The following RAP1GAP2 variants were observed in gnomAD, a reference collection of about 807,000 sequenced individuals.
RAP1GAP2 encodes rap1 GTPase-activating protein 2.
A neutral mutation model predicts 95.0 loss-of-function variants in RAP1GAP2; 27 were observed. That is an observed-to-expected ratio of 0.28 (90% CI 0.21 to 0.39). The LOEUF (loss-of-function observed/expected upper bound fraction) is 0.39, where lower values mean the gene tolerates loss of function less well. Among genes scored for constraint, RAP1GAP2 ranks in the 10% least tolerant of loss-of-function variants. The pLI is 1.00. For missense variants in RAP1GAP2, 771 were observed against 970.0 expected, an observed-to-expected ratio of 0.79 and a Z score of 2.72; for synonymous variants, 373 against 380.9, an observed-to-expected ratio of 0.98 and a Z score of 0.24.
Position 3,032,409 on chromosome 17 carries a change from A to G in RAP1GAP2, c.2185-2A>G. On this transcript the variant is annotated splice_acceptor_variant, in intron 23 of 24. Coordinates refer to ENST00000254695, the MANE Select transcript of RAP1GAP2 (RefSeq NM_015085.5). LOFTEE classifies it high-confidence loss of function. ...CTCCTGTATGGATTTTTGTTGAAAC[A>G]GGGTCACTAATGTGAAAGTGGAGTC... 1.9e-6 allele frequency: 3 copies of G among 1,613,934 alleles called. No homozygotes were observed. Among genetic ancestry groups the G allele is most frequent in the Non-Finnish European group, 2.5e-6 (3 of 1,179,806 alleles).
At position 3,004,553 on chromosome 17, in the gene RAP1GAP2, G is replaced by C. The variant is rs923152730; in HGVS notation, c.1201-816G>C. 6.6e-5 allele frequency among the ~76,000 whole-genome samples: 10 copies of C among 152,280 alleles called. No individual in the cohort carries two copies. Among genetic ancestry groups the C allele is most frequent in the Non-Finnish European group, 1.5e-4 (10 of 68,048 alleles). On this transcript the variant is annotated intron_variant, in intron 14 of 24. Coordinates refer to ENST00000254695, the MANE Select transcript of RAP1GAP2 (RefSeq NM_015085.5). This position sits in a 1 kb window ranked among gnomAD's most constrained non-coding sequence, Gnocchi z 4.1. ...AAGTCAGGGCACCTCTGTGCAGAGG[G>C]AAGGCGGGGTGTGGGGCCCGTCCCA...
chr17:3,015,822 GAAA>G (rs11309614), intron 17 of RAP1GAP2, among the ~76,000 whole-genome samples: 4 of 149,156 alleles, frequency 2.7e-5, no homozygotes, highest in African/African-American at 9.9e-5. Flanking sequence ...CTCTGTCTCA[GAAA>G]AAAAAAAAGA....
At chr17:3,000,286 A>G (rs1157022661) in intron 14 of RAP1GAP2, among the ~76,000 whole-genome samples, 1 of 152,240 alleles carries the variant, frequency 6.6e-6, no homozygotes, top group Non-Finnish European at 1.5e-5. Context: ...GCTTTGAGTG[A>G]AATGGGCATT....
rs753776940 is a variant in RAP1GAP2, at chr17:2,905,388, G to A, written c.165+20G>A. 3 of 1,610,668 alleles carry A rather than the reference G, an allele frequency of 1.9e-6. No individual in the cohort carries two copies. In the South Asian group the frequency reaches 3.3e-5, roughly 18 times the overall value. On this transcript the variant is annotated intron_variant, in intron 3 of 24. Coordinates refer to ENST00000254695, the MANE Select transcript of RAP1GAP2 (RefSeq NM_015085.5). ...ATGAAGGTAAGAGGCTTCGATTCAGGAAGGCAGGGAGGGGAGAGTGTGGGG... is the reference window on the plus strand; with the variant it reads ...ATGAAGGTAAGAGGCTTCGATTCAGAAAGGCAGGGAGGGGAGAGTGTGGGG...
At position 2,797,807 on chromosome 17, in the gene RAP1GAP2, G is replaced by C. The variant is rs2069137440; in HGVS notation, c.44+1236G>C. On this transcript the variant is annotated intron_variant, in intron 1 of 24. Coordinates refer to ENST00000254695, the MANE Select transcript of RAP1GAP2 (RefSeq NM_015085.5). This position sits in a 1 kb window ranked among gnomAD's most constrained non-coding sequence, Gnocchi z 5.6. ...GGTAGGTGCCAGTGTCCGGGAGGCAGCAGAGGACTTGGCTTCTGGTTGGGA... is the reference window on the plus strand; with the variant it reads ...GGTAGGTGCCAGTGTCCGGGAGGCACCAGAGGACTTGGCTTCTGGTTGGGA... The C allele has an allele frequency of 2.0e-6, 2 of 984,766 alleles. No individual in the cohort carries two copies. Among genetic ancestry groups the C allele is most frequent in the African/African-American group, 3.5e-5 (2 of 57,346 alleles). 61.0% of individuals were successfully genotyped at this position (984,766 alleles called of 1,614,324 possible). A position where few individuals can be genotyped will look rare whatever the true frequency, so the allele number is the denominator to read the frequency against.
intron 2 of RAP1GAP2, among the ~76,000 whole-genome samples, chr17:2,801,937 G>A (rs1415622149): frequency 1.3e-5 from 2 of 152,122 alleles, no homozygotes; most frequent in Non-Finnish European, 2.9e-5. Flanking sequence ...TAACCAAAGT[G>A]TAGCCTGCGT....
intron 2 of RAP1GAP2, among the ~76,000 whole-genome samples, chr17:2,771,973 C>T (rs1472283899): frequency 1.3e-5 from 2 of 152,176 alleles, no homozygotes; most frequent in East Asian, 1.9e-4. Flanking sequence ...TCAAGTGATC[C>T]TCCTGACTCA....
At chr17:2,824,378 C>T (rs1455703462) in intron 2 of RAP1GAP2, among the ~76,000 whole-genome samples, 14 of 148,740 alleles carry the variant, frequency 9.4e-5, no homozygotes, top group South Asian at 4.2e-4. Flanking sequence ...ACCCGGGAGG[C>T]GGAGGTTTCA....
chr17:2,980,214 A>G, intron 8 of RAP1GAP2, 73 bp from the exon 9 acceptor site: 1 of 1,460,936 alleles, frequency 6.8e-7, no homozygotes, highest in South Asian at 1.2e-5. Context: ...AAATGCTGAG[A>G]TGACAGGCAC....
At chr17:2,768,734 A>G (rs1479296723) in intron 1 of RAP1GAP2, among the ~76,000 whole-genome samples, 1 of 150,044 alleles carries the variant, frequency 6.7e-6, no homozygotes, top group Non-Finnish European at 1.5e-5. Context: ...GAATAGATTC[A>G]TGGTTCTTCC....
At chr17:2,898,834 G>A (rs912908386) in intron 2 of RAP1GAP2, among the ~76,000 whole-genome samples, 2 of 151,516 alleles carry the variant, frequency 1.3e-5, no homozygotes, top group African/African-American at 4.9e-5. Flanking sequence ...CGCCCCATGA[G>A]GCGAGGAGTA....
At position 2,998,142 on chromosome 17, in the gene RAP1GAP2, A is replaced by G. The variant is rs901734623; in HGVS notation, c.1045-79A>G. 1.0e-5 allele frequency: 15 copies of G among 1,479,330 alleles called. 1 individual carries two copies. The Admixed American group carries it at 2.6e-4, about 26-fold the overall frequency. 91.6% of individuals were successfully genotyped at this position (1,479,330 alleles called of 1,614,324 possible). On this transcript the variant is annotated intron_variant, in intron 13 of 24. Transcript: ENST00000254695. ...ATTCAGTTTTCCTGTGTGCAAAGGA[A>G]AGTGAACCCACTCTTTCCCCAAAAC...
intron 8 of RAP1GAP2, among the ~76,000 whole-genome samples, chr17:2,967,470 T>C (rs2044666633): frequency 6.6e-6 from 1 of 152,140 alleles, no homozygotes; most frequent in East Asian, 1.9e-4. Context: ...CTGTCCTCTT[T>C]AGGAGTGAGA....
intron 3 of RAP1GAP2, among the ~76,000 whole-genome samples, chr17:2,931,834 C>T (rs2043166532): frequency 6.6e-6 from 1 of 152,164 alleles, no homozygotes; most frequent in South Asian, 2.1e-4. Context: ...CTTCCTCTTC[C>T]CTCTGGTGAG....
chr17:2,780,264 T>C (rs1314581748), intron 1 of RAP1GAP2, among the ~76,000 whole-genome samples: 1 of 152,244 alleles, frequency 6.6e-6, no homozygotes, highest in Non-Finnish European at 1.5e-5. Context: ...TTGGTCAGGC[T>C]GGTCTCGAAC....
At chr17:2,893,715 C>T (rs370879341) in intron 2 of RAP1GAP2, among the ~76,000 whole-genome samples, 1 of 152,232 alleles carries the variant, frequency 6.6e-6, no homozygotes, top group Non-Finnish European at 1.5e-5. Flanking sequence ...CGCTGCTCCC[C>T]CCATGGAGGC....
At position 2,904,026 on chromosome 17, in the gene RAP1GAP2, A is replaced by G. The variant is rs1023585367; in HGVS notation, c.81-1258A>G. 1.3e-5 allele frequency among the ~76,000 whole-genome samples: 2 copies of G among 152,012 alleles called. No homozygotes were observed. The highest frequency in any genetic ancestry group is 4.8e-5 in the African/African-American group (2 of 41,396). ...TGGAGGTGGCAGTGGGGGTGCTTTG[A>G]TCATTTACGCAGGACCTGGGGGTTG... On this transcript the variant is annotated intron_variant, in intron 2 of 24. Transcript: ENST00000254695. The surrounding 1 kb of genome is among the most constrained non-coding windows in gnomAD (Gnocchi z 4.7).
intron 2 of RAP1GAP2, among the ~76,000 whole-genome samples, chr17:2,874,585 G>A (rs1446813764): frequency 1.3e-5 from 2 of 152,168 alleles, no homozygotes; most frequent in Non-Finnish European, 2.9e-5. Context: ...AAAAGGGGGA[G>A]GGAGAAAGGA....
chr17:2,922,427 T>C (rs1172599094), intron 3 of RAP1GAP2, among the ~76,000 whole-genome samples: 1 of 152,150 alleles, frequency 6.6e-6, no homozygotes, highest in Non-Finnish European at 1.5e-5. Flanking sequence ...GATACAGACA[T>C]ATCTTTTTGG....
Sources: allele counts gnomAD v4.1 joint callset (sites outside exome capture counted in the v4.1 genomes callset), GRCh38; gene constraint gnomAD v4.1.1; non-coding constraint Gnocchi (gnomAD v3.1); transcripts MANE v1.5; gene names NCBI Gene and HGNC (gene_info 2026-07-23, HGNC 2026-07-21).